Variants in CACNB4 observed in about 807,000 individuals in gnomAD.
The protein encoded by CACNB4 is calcium voltage-gated channel auxiliary subunit beta 4.
A neutral mutation model predicts 71.2 loss-of-function variants in CACNB4; 32 were observed. That is an observed-to-expected ratio of 0.45 (90% CI 0.34 to 0.60). CACNB4 has a LOEUF of 0.60. Among genes scored for constraint, CACNB4 ranks in the 20% least tolerant of loss-of-function variants. The pLI is 0.01. For missense variants in CACNB4, 464 were observed against 647.9 expected (o/e 0.72, Z 3.08); for synonymous variants, 231 against 236.9 (o/e 0.97, Z 0.23).
chr2:151,966,160 C>T (rs1560084114), intron 2 of CACNB4, among the ~76,000 whole-genome samples: 2 of 152,144 alleles, frequency 1.3e-5, no homozygotes, highest in South Asian at 2.1e-4. Context: ...TCATTTTATA[C>T]GAGGGAAAAA....
intron 2 of CACNB4, among the ~76,000 whole-genome samples, chr2:152,066,851 G>A (rs1408403469): frequency 7.0e-6 from 1 of 141,860 alleles, no homozygotes; most frequent in Admixed American, 7.3e-5. Context: ...GTAGGGACAT[G>A]GATGAAATTG....
intron 2 of CACNB4, among the ~76,000 whole-genome samples, chr2:152,059,936 G>A (rs538839295): frequency 6.6e-6 from 1 of 152,260 alleles, no homozygotes; most frequent in African/African-American, 2.4e-5. Flanking sequence ...CAGATCTGAT[G>A]GTTTTATAAG....
At chr2:151,892,363 G>A (rs1180241383) in intron 2 of CACNB4, among the ~76,000 whole-genome samples, 2 of 149,454 alleles carry the variant, frequency 1.3e-5, no homozygotes, top group East Asian at 1.9e-4. Context: ...AATCACTTGT[G>A]TCTTAAAAAA....
intron 2 of CACNB4, among the ~76,000 whole-genome samples, chr2:152,025,816 A>T (rs1357002374): frequency 1.3e-5 from 2 of 152,232 alleles, no homozygotes; most frequent in African/African-American, 4.8e-5. Flanking sequence ...CAGAAGTCAC[A>T]GTTACACTTG....
At chr2:152,057,745 C>T (rs1212219356) in intron 2 of CACNB4, among the ~76,000 whole-genome samples, 2 of 152,288 alleles carry the variant, frequency 1.3e-5, no homozygotes, top group Non-Finnish European at 2.9e-5. Context: ...ATTGAACTGA[C>T]CCCTGAAAAG....
At chr2:151,871,600 T>C in intron 6 of CACNB4, 1 of 152,404 alleles carries the variant, frequency 6.6e-6, no homozygotes, top group Non-Finnish European at 1.5e-5. Context: ...TTTGGTTCAG[T>C]GTCCTGTAGA....
intron 2 of CACNB4, among the ~76,000 whole-genome samples, chr2:151,997,607 T>A (rs936313186): frequency 6.6e-6 from 1 of 151,514 alleles, no homozygotes; most frequent in Non-Finnish European, 1.5e-5. Context: ...AATGCTGAGA[T>A]TGGAGTGATG....
At chr2:152,038,729 G>A (rs927234776) in intron 2 of CACNB4, among the ~76,000 whole-genome samples, 2 of 152,244 alleles carry the variant, frequency 1.3e-5, no homozygotes, top group Admixed American at 1.3e-4. Flanking sequence ...GAGATTGGGA[G>A]GAGGGTGACC....
At chr2:151,963,441 T>C (rs62176761) in intron 2 of CACNB4, among the ~76,000 whole-genome samples, 4,395 of 152,172 alleles carry the variant, frequency 0.029, 66 homozygotes, top group African/African-American at 0.039. Context: ...GATGAGGGCA[T>C]ATGGAACTTC....
chr2:151,968,867 G>A (rs1453981846), intron 2 of CACNB4: 2 of 152,156 alleles, frequency 1.3e-5, no homozygotes, highest in Non-Finnish European at 2.9e-5. Flanking sequence ...TTGCCTCTGT[G>A]ACTCAAAAAT....
At chr2:152,089,666 T>G (rs1229246300) in intron 2 of CACNB4, among the ~76,000 whole-genome samples, 1 of 152,070 alleles carries the variant, frequency 6.6e-6, no homozygotes, top group African/African-American at 2.4e-5. Flanking sequence ...GCGCAGTGGC[T>G]CATGCCTGTA....
intron 2 of CACNB4, among the ~76,000 whole-genome samples, chr2:152,063,285 T>G (rs1373721159): frequency 6.6e-6 from 1 of 152,312 alleles, no homozygotes; most frequent in Non-Finnish European, 1.5e-5. Context: ...ATTGGTAAAT[T>G]AAAGATAACA....
intron 2 of CACNB4, among the ~76,000 whole-genome samples, chr2:152,053,562 C>T (rs907077601): frequency 1.3e-5 from 2 of 150,250 alleles, no homozygotes; most frequent in African/African-American, 4.9e-5. Context: ...CTTGCTCTGC[C>T]ACCCAGGCTA....
At chr2:152,056,887 C>T (rs1188235467) in intron 2 of CACNB4, among the ~76,000 whole-genome samples, 1 of 139,932 alleles carries the variant, frequency 7.1e-6, no homozygotes, top group Non-Finnish European at 1.5e-5. Context: ...GTGACTATCC[C>T]TTACTTTTAC....
chr2:151,920,318 CTTTTTTTTTTTTT>C (rs10574154), intron 2 of CACNB4, among the ~76,000 whole-genome samples: 21 of 66,092 alleles, frequency 3.2e-4, no homozygotes, highest in African/African-American at 1.4e-3. Flanking sequence ...TCTTCTTCTT[CTTTTTTTTTTTTT>C]TTTTTTTTGA....
At chr2:151,895,173 G>A (rs1010087462) in intron 2 of CACNB4, among the ~76,000 whole-genome samples, 1 of 149,466 alleles carries the variant, frequency 6.7e-6, no homozygotes, top group Admixed American at 6.7e-5. Context: ...AACAAAGCTG[G>A]AGGCATCACA....
chr2:151,869,297 A>G, intron 8 of CACNB4, 62 bp from the exon 9 acceptor site: 1 of 978,896 alleles, frequency 1.0e-6, no homozygotes, highest in East Asian at 2.6e-5. Context: ...AGAGAAGTCA[A>G]AAGGGAGAGA....
At chr2:151,923,212 G>T (rs1296901203) in intron 2 of CACNB4, among the ~76,000 whole-genome samples, 1 of 152,192 alleles carries the variant, frequency 6.6e-6, no homozygotes, top group Non-Finnish European at 1.5e-5. Context: ...AGACTATGTG[G>T]TGGCTCCTCC....
intron 3 of CACNB4, among the ~76,000 whole-genome samples, chr2:151,882,035 C>T (rs1010515846): frequency 2.0e-5 from 3 of 151,766 alleles, no homozygotes; most frequent in Admixed American, 6.6e-5. Context: ...TGCACACCAC[C>T]ACGCCCAGCT....
Sources: allele counts gnomAD v4.1 joint callset (sites outside exome capture counted in the v4.1 genomes callset), GRCh38; gene constraint gnomAD v4.1.1; transcripts MANE v1.5; gene names NCBI Gene and HGNC (gene_info 2026-07-23, HGNC 2026-07-21).